The following SLIT1 variants were observed in gnomAD, a reference collection of about 807,000 sequenced individuals.
SLIT1 encodes the protein slit homolog 1 protein.
SLIT1 carries 66 observed loss-of-function variants against 186.1 expected under a neutral mutation model. The observed-to-expected ratio is 0.35, with a 90% CI of 0.29 to 0.44. SLIT1 has a LOEUF of 0.44. Ranked by LOEUF, SLIT1 falls within the 20% of genes least tolerant of loss-of-function variation. The pLI, the probability that SLIT1 is intolerant of heterozygous loss-of-function variation, is 1.00. For synonymous variants in SLIT1, 761 were observed against 833.8 expected (o/e 0.91, Z 1.50); for missense variants, 1,638 against 2,037.4 (o/e 0.80, Z 3.77).
chr10:97,166,396 A>G (rs1564692578), intron 1 of SLIT1, among the ~76,000 whole-genome samples: 1 of 151,558 alleles, frequency 6.6e-6, no homozygotes, highest in South Asian at 2.1e-4. Flanking sequence ...GGCACCTGTA[A>G]TCCCAGCTAC....
At chr10:97,119,080 T>A (rs923841515) in intron 4 of SLIT1, among the ~76,000 whole-genome samples, 3 of 152,212 alleles carry the variant, frequency 2.0e-5, no homozygotes, top group African/African-American at 7.2e-5. Context: ...GGGTCTCTTG[T>A]GTTCCCCTGG....
intron 14 of SLIT1, 97 bp downstream of exon 14, chr10:97,048,858 G>GACA: frequency 7.8e-7 from 1 of 1,281,366 alleles, no homozygotes; most frequent in Non-Finnish European, 1.1e-6. Flanking sequence ...CGGGTAGGTG[G>GACA]GCAGGTGGGC....
intron 28 of SLIT1, 38 bp from the exon 29 acceptor site, chr10:97,014,196 TG>T (rs1475024578): frequency 1.2e-6 from 2 of 1,608,522 alleles, no homozygotes; most frequent in Non-Finnish European, 1.7e-6. Context: ...ACAGCCCTCT[TG>T]GAACACTGGT....
At chr10:97,163,659 GCTC>G (rs1229570678) in intron 2 of SLIT1, among the ~76,000 whole-genome samples, 1 of 152,192 alleles carries the variant, frequency 6.6e-6, no homozygotes, top group Non-Finnish European at 1.5e-5. Context: ...CCCACCATGG[GCTC>G]CTCAGGGCTC....
At chr10:97,098,961 T>G (rs1849321304) in intron 4 of SLIT1, among the ~76,000 whole-genome samples, 1 of 152,158 alleles carries the variant, frequency 6.6e-6, no homozygotes. Context: ...GTCCCCAGTT[T>G]CCTGAGCAAT....
rs188900176 is a variant in SLIT1 at position 97,175,393 on chromosome 10, C to A, written c.197+10085G>T. On this transcript the variant is annotated intron_variant, in intron 1 of 36. Transcript: ENST00000266058. ...TCTCTTTGAGACCCTGTGTTCAGTTCTTTTGGGTATTTACTTTGAAGTGAA... is the reference window on the plus strand; with the variant it reads ...TCTCTTTGAGACCCTGTGTTCAGTTATTTTGGGTATTTACTTTGAAGTGAA... 6.6e-5 allele frequency among the ~76,000 whole-genome samples: 10 copies of A among 152,200 alleles called. No homozygotes were observed. The East Asian group carries it at 1.2e-3, about 18-fold the overall frequency.
chr10:97,155,227 C>T (rs1235935331), intron 4 of SLIT1: 1 of 152,340 alleles, frequency 6.6e-6, no homozygotes, highest in Non-Finnish European at 1.5e-5. Flanking sequence ...ATTAAACCAC[C>T]CAAAGTTATG....
chr10:97,150,714 G>A (rs905844731), intron 4 of SLIT1, among the ~76,000 whole-genome samples: 3 of 152,052 alleles, frequency 2.0e-5, no homozygotes, highest in Non-Finnish European at 4.4e-5. Context: ...ATGACGAGGG[G>A]ATCAGCAAGA....
chr10:97,175,807 T>C (rs772654792), intron 1 of SLIT1, among the ~76,000 whole-genome samples: 4 of 152,202 alleles, frequency 2.6e-5, no homozygotes, highest in Non-Finnish European at 4.4e-5. Flanking sequence ...CACCCGCCAC[T>C]GACCTCCGCC....
At chr10:97,088,408 G>A (rs915770971) in intron 4 of SLIT1, among the ~76,000 whole-genome samples, 2 of 152,172 alleles carry the variant, frequency 1.3e-5, no homozygotes, top group Non-Finnish European at 2.9e-5. Flanking sequence ...TTCATACTAG[G>A]TGGTGAATGA....
Position 96,999,192 on chromosome 10 carries a change from G to C in SLIT1, c.*1920C>G, listed in dbSNP as rs1255369876. On this transcript the variant is annotated 3_prime_UTR_variant, in exon 37 of 37. Transcript: ENST00000266058. ...CCCAGGCTGCAGTCTACTTGGGGGT[G>C]GGGGCGGGCATTGTGGCCTTGCTCA... 1 of 152,346 alleles carries C rather than the reference G, an allele frequency of 6.6e-6. No homozygotes were observed. The highest frequency in any genetic ancestry group is 1.5e-5 in the Non-Finnish European group (1 of 68,178). The allele number at this position is 152,346 out of a possible 1,614,324, so 9.4% of individuals were successfully genotyped here.
intron 30 of SLIT1, among the ~76,000 whole-genome samples, chr10:97,012,124 ACACACG>A (rs1358648678): frequency 2.8e-5 from 4 of 142,018 alleles, no homozygotes; most frequent in Admixed American, 7.2e-5. Context: ...ACACACACAC[ACACACG>A]CACACATTCG....
At chr10:97,118,207 C>G (rs1035376503) in intron 4 of SLIT1, among the ~76,000 whole-genome samples, 2 of 152,148 alleles carry the variant, frequency 1.3e-5, no homozygotes, top group Non-Finnish European at 2.9e-5. Flanking sequence ...AGGTTTTAGG[C>G]CCATTTTGCT....
At position 97,047,013 on chromosome 10, in the gene SLIT1, T is replaced by C; in HGVS notation, c.1687A>G (p.Lys563Glu). The C allele has an allele frequency of 6.2e-7, 1 of 1,612,636 alleles. No homozygotes were observed. The highest frequency in any genetic ancestry group is 8.5e-7 in the Non-Finnish European group (1 of 1,178,622). Residue 563 changes from lysine (K) to glutamate (E), a missense_variant, in exon 17 of 37, where the codon AAA becomes GAA. This residue lies in a region of SLIT1 where 1,245 missense variants were observed against 1,535.3 expected (regional missense o/e 0.81). Transcript: ENST00000266058. The part of the protein sequence containing the change: ...SILEATGMFK[K>E]LTHLKKINLS... ...CACATTTTCTTCAGATGTGTAAGTTTTTTAAACATCCCAGTGGCCTCCAGG... is the reference window on the plus strand; with the variant it reads ...CACATTTTCTTCAGATGTGTAAGTTCTTTAAACATCCCAGTGGCCTCCAGG...
intron 4 of SLIT1, among the ~76,000 whole-genome samples, chr10:97,138,340 A>G (rs1849724429): frequency 6.6e-6 from 1 of 152,218 alleles, no homozygotes; most frequent in African/African-American, 2.4e-5. Context: ...TCCGCAATGT[A>G]CAGCTGACAC....
At chr10:97,178,744 A>C (rs1055016134) in intron 1 of SLIT1, among the ~76,000 whole-genome samples, 1 of 151,878 alleles carries the variant, frequency 6.6e-6, no homozygotes, top group Non-Finnish European at 1.5e-5. Flanking sequence ...GTTCAGAAAA[A>C]AAATTACCTA....
intron 27 of SLIT1, 105 bp from the exon 28 acceptor site, chr10:97,018,788 T>G: frequency 5.6e-6 from 4 of 713,102 alleles, no homozygotes; most frequent in Non-Finnish European, 9.6e-6. Flanking sequence ...GTCCCAGGAG[T>G]TACTTGTTTT....
chr10:97,034,103 G>A (rs1279455189), intron 23 of SLIT1, among the ~76,000 whole-genome samples: 1 of 152,170 alleles, frequency 6.6e-6, no homozygotes, highest in Non-Finnish European at 1.5e-5. Flanking sequence ...GACCTCAAGT[G>A]ATTCACCTGC....
Position 97,010,110 on chromosome 10 carries a change from T to C in SLIT1, c.3341+883A>G, listed in dbSNP as rs1454402365. On this transcript the variant is annotated intron_variant, in intron 31 of 36. Transcript: ENST00000266058. This position sits in a 1 kb window ranked among gnomAD's most constrained non-coding sequence, Gnocchi z 4.8. Reference sequence around the variant, plus strand: ...GTCTACACAAAAACCTGTACAAAAATGTCGATAAGATCAGTCTTCATTATA... The same window carrying C: ...GTCTACACAAAAACCTGTACAAAAACGTCGATAAGATCAGTCTTCATTATA... Among the ~76,000 whole-genome samples, 1 of 152,212 alleles carries C rather than the reference T, an allele frequency of 6.6e-6. No homozygotes were observed. Among genetic ancestry groups the C allele is most frequent in the Non-Finnish European group, 1.5e-5 (1 of 68,038 alleles).
Sources: allele counts gnomAD v4.1 joint callset (sites outside exome capture counted in the v4.1 genomes callset), GRCh38; gene constraint gnomAD v4.1.1; regional missense constraint gnomAD v4.1.1; non-coding constraint Gnocchi (gnomAD v3.1); transcripts MANE v1.5; gene names NCBI Gene and HGNC (gene_info 2026-07-23, HGNC 2026-07-21).